The following SORD variants were observed in gnomAD, a reference collection of about 807,000 sequenced individuals.
The protein encoded by SORD is sorbitol dehydrogenase.
SORD carries 18 observed loss-of-function variants against 35.6 expected under a neutral mutation model. That is an observed-to-expected ratio of 0.51 (90% CI 0.35 to 0.75). SORD has a LOEUF of 0.75. Among genes scored for constraint, SORD ranks in the 30% least tolerant of loss-of-function variants. SORD has a pLI of 0.01. For missense variants in SORD, 250 were observed against 390.2 expected, an observed-to-expected ratio of 0.64 and a Z score of 3.03; for synonymous variants, 106 against 152.9, an observed-to-expected ratio of 0.69 and a Z score of 2.26.
At chr15:45,028,340 A>G (rs1892713771) in intron 1 of SORD, among the ~76,000 whole-genome samples, 1 of 152,220 alleles carries the variant, frequency 6.6e-6, no homozygotes, top group Admixed American at 6.5e-5. Context: ...ACAAAAACAA[A>G]CAAAAAAATT....
intron 5 of SORD, among the ~76,000 whole-genome samples, chr15:45,066,034 A>G (rs1352514739): frequency 2.0e-5 from 3 of 152,072 alleles, no homozygotes; most frequent in African/African-American, 4.8e-5. Flanking sequence ...ACTTGAGGCC[A>G]AAAGTTCAAG....
At chr15:45,066,997 G>T (rs1249593407) in intron 5 of SORD, among the ~76,000 whole-genome samples, 2 of 152,120 alleles carry the variant, frequency 1.3e-5, no homozygotes, top group African/African-American at 4.8e-5. Context: ...GTTAATATTT[G>T]GGTATAGAAT....
In SORD at chr15:45,061,439, T is replaced by C. The variant is rs567564276; in HGVS notation, c.425+213T>C. 6.8e-3 allele frequency among the ~76,000 whole-genome samples: 964 copies of C among 142,476 alleles called. 3 individuals are homozygous for C. The highest frequency in any genetic ancestry group is 0.018 in the South Asian group (84 of 4,724). 93.5% of individuals were successfully genotyped at this position (142,476 alleles called of 152,430 possible). A position where few individuals can be genotyped will look rare whatever the true frequency, so the allele number is the denominator to read the frequency against. ...AGTGGTTGGTTTTAGTCTTTCAGTT[T>C]CAGTTTCCCTTACTTAGAGCAACAA... On this transcript the variant is annotated intron_variant, in intron 4 of 8. Transcript: ENST00000267814.
intron 1 of SORD, among the ~76,000 whole-genome samples, chr15:45,035,664 G>C (rs567283256): frequency 3.9e-5 from 6 of 152,190 alleles, no homozygotes; most frequent in Non-Finnish European, 8.8e-5. Context: ...TTGTTCTTTC[G>C]CTCTTTGCAA....
intron 1 of SORD, among the ~76,000 whole-genome samples, chr15:45,039,784 C>T (rs540876884): frequency 4.6e-5 from 7 of 152,036 alleles, no homozygotes; most frequent in Non-Finnish European, 8.8e-5. Context: ...ACCTGTCTAG[C>T]GGGAAACATC....
chr15:45,028,888 G>T (rs1892723330), intron 1 of SORD, among the ~76,000 whole-genome samples: 1 of 152,272 alleles, frequency 6.6e-6, no homozygotes, highest in African/African-American at 2.4e-5. Context: ...GAAGCGGATG[G>T]TATAATGAGA....
chr15:45,029,578 T>C (rs1892737464), intron 1 of SORD, among the ~76,000 whole-genome samples: 1 of 152,266 alleles, frequency 6.6e-6, no homozygotes, highest in Non-Finnish European at 1.5e-5. Context: ...CGTCTGCAGA[T>C]GGTGGCATGT....
intron 1 of SORD, among the ~76,000 whole-genome samples, chr15:45,029,369 G>C (rs985783503): frequency 6.6e-6 from 1 of 152,272 alleles, no homozygotes; most frequent in African/African-American, 2.4e-5. Context: ...CCCTTCGCCA[G>C]ACCTGTGGAG....
chr15:45,046,427 G>A (rs539098178), intron 3 of SORD, among the ~76,000 whole-genome samples: 1 of 152,226 alleles, frequency 6.6e-6, no homozygotes, highest in African/African-American at 2.4e-5. Context: ...ATTTTTAATA[G>A]AGAATGGGTT....
At chr15:45,026,899 C>T (rs1178660877) in intron 1 of SORD, among the ~76,000 whole-genome samples, 1 of 152,232 alleles carries the variant, frequency 6.6e-6, no homozygotes, top group African/African-American at 2.4e-5. Flanking sequence ...TGTCCTTTAA[C>T]TGGCAGGAAG....
At chr15:45,048,385 C>T (rs1893076881) in intron 3 of SORD, among the ~76,000 whole-genome samples, 1 of 152,144 alleles carries the variant, frequency 6.6e-6, no homozygotes. Context: ...GAGGCATTCC[C>T]ATCCTTGATG....
At chr15:45,048,557 G>T (rs879865215) in intron 3 of SORD, among the ~76,000 whole-genome samples, 1 of 152,118 alleles carries the variant, frequency 6.6e-6, no homozygotes, top group Non-Finnish European at 1.5e-5. Context: ...GAAAAACCCT[G>T]TCTCTGCAAA....
intron 1 of SORD, among the ~76,000 whole-genome samples, chr15:45,034,533 A>G (rs971762481): frequency 4.6e-5 from 7 of 152,278 alleles, no homozygotes; most frequent in Non-Finnish European, 1.0e-4. Flanking sequence ...AACATTTAGT[A>G]TGTGAGAGGT....
Position 45,034,950 on chromosome 15 carries a change from C to T in SORD, c.67-5458C>T, listed in dbSNP as rs1401911117. Among the ~76,000 whole-genome samples the T allele has an allele frequency of 2.0e-5, 3 of 152,228 alleles. 1 individual carries two copies. Among genetic ancestry groups the T allele is most frequent in the Admixed American group, 1.3e-4 (2 of 15,292 alleles). ...AGAGCAGCCGGCCGGCCCTGCGGTT[C>T]CCGGGCAATGAGGGGCTTAGCACCC... On this transcript the variant is annotated intron_variant, in intron 1 of 8. Transcript: ENST00000267814.
chr15:45,052,339 G>C (rs1366253849), intron 3 of SORD, among the ~76,000 whole-genome samples: 1 of 152,192 alleles, frequency 6.6e-6, no homozygotes, highest in Non-Finnish European at 1.5e-5. Context: ...GAGGCTAAAA[G>C]TTGTCTCTCA....
At chr15:45,040,658 T>G (rs1440953898) in intron 2 of SORD, among the ~76,000 whole-genome samples, 2 of 152,178 alleles carry the variant, frequency 1.3e-5, no homozygotes, top group African/African-American at 4.8e-5. Context: ...AAAAGAACAG[T>G]GATAGAATCA....
chr15:45,069,328 T>A (rs1236998746), intron 7 of SORD, among the ~76,000 whole-genome samples: 1 of 149,756 alleles, frequency 6.7e-6, no homozygotes. Flanking sequence ...TGCCTCAGCG[T>A]CCCGAGTAGC....
intron 2 of SORD, among the ~76,000 whole-genome samples, chr15:45,041,371 TCC>T (rs1892963304): frequency 6.6e-6 from 1 of 151,840 alleles, no homozygotes; most frequent in South Asian, 2.1e-4. Flanking sequence ...ATACTCACCC[TCC>T]CCCTCTCACA....
chr15:45,054,722 T>C (rs1430881684), intron 3 of SORD, among the ~76,000 whole-genome samples: 6 of 152,226 alleles, frequency 3.9e-5, no homozygotes, highest in African/African-American at 1.4e-4. Flanking sequence ...TCCTTGCCTA[T>C]GCCTATGTCC....
Sources: gnomAD v4.1 joint callset for allele counts (sites outside exome capture counted in the v4.1 genomes callset) on GRCh38, gnomAD v4.1.1 for gene constraint, MANE v1.5 for transcripts, NCBI Gene and HGNC (gene_info 2026-07-23, HGNC 2026-07-21) for gene names.